FANCM: variants seen among roughly 807,000 people sequenced by gnomAD.
FANCM encodes Fanconi anemia group M protein.
Under a neutral mutation model 199.5 loss-of-function variants are expected in FANCM, and 140 were observed. The ratio of observed to expected loss-of-function variants is 0.70; its 90% confidence interval spans 0.61 to 0.81. The LOEUF (loss-of-function observed/expected upper bound fraction) is 0.81, where lower values mean the gene tolerates loss of function less well. FANCM is among the 30% of genes least tolerant of loss of function. The pLI is 0.00. For synonymous variants in FANCM, 840 were observed against 836.8 expected, an observed-to-expected ratio of 1.00 and a Z score of -0.07; for missense variants, 2,410 against 2,421.4, an observed-to-expected ratio of 1.00 and a Z score of 0.10.
chr14:45,192,690 A>G (rs1014377567), intron 20 of FANCM, among the ~76,000 whole-genome samples: 2 of 152,082 alleles, frequency 1.3e-5, no homozygotes, highest in African/African-American at 4.8e-5. Context: ...TTAGCCTGGC[A>G]TGCTGGTGCA....
rs759778560 is a variant in FANCM, at chr14:45,187,883, C to T, written c.4775C>T (p.Ser1592Leu). The T allele has an allele frequency of 9.3e-6, 13 of 1,398,948 alleles. No homozygotes were observed. Among genetic ancestry groups the T allele is most frequent in the African/African-American group, 7.1e-5 (5 of 70,598 alleles). The allele number at this position is 1,398,948 out of a possible 1,614,324, so 86.7% of individuals were successfully genotyped here. A position where few individuals can be genotyped will look rare whatever the true frequency, so the allele number is the denominator to read the frequency against. ...ACACATAAAAACATAAACATTTTCT[C>T]GCAGGTATGAACTATAGAAATATAA... ...HKTHKNINIF[S>L]QIPEQDETYL... is the part of the protein sequence containing the mutation. Residue 1592 changes from serine (S) to leucine (L), a missense_variant, in exon 19 of 23, where the codon TCG becomes TTG. Coordinates refer to ENST00000267430, the MANE Select transcript of FANCM (RefSeq NM_020937.4).
intron 11 of FANCM, among the ~76,000 whole-genome samples, chr14:45,168,741 A>T (rs902026265): frequency 2.0e-5 from 3 of 147,008 alleles, no homozygotes; most frequent in Non-Finnish European, 4.5e-5. Context: ...TATTTTGCTA[A>T]TGTATGCTAA....
At position 45,175,464 on chromosome 14, in the gene FANCM, G is replaced by A. The variant is rs1205156870; in HGVS notation, c.2710G>A (p.Asp904Asn). 7 of 1,608,488 alleles carry A rather than the reference G, an allele frequency of 4.4e-6. No individual in the cohort carries two copies. In the South Asian group the frequency reaches 6.7e-5, roughly 15 times the overall value. The stretch of plus-strand genomic sequence containing the variant: ...AAATGATAAAAGGACATCAGATACA[G>A]ATGAAATTGCTGCCACATGTACTAT... ...LPNDKRTSDT[D>N]EIAATCTINE... The change falls in exon 14 of 23, where the codon GAT becomes AAT. Residue 904 changes from aspartate to asparagine, a missense_variant. Asp to Asn is a conservative substitution (Grantham distance 23). Transcript: ENST00000267430.
At position 45,164,387 on chromosome 14, in the gene FANCM, A is replaced by T; in HGVS notation, c.1610A>T (p.Tyr537Phe). The T allele has an allele frequency of 1.2e-6, 2 of 1,613,114 alleles. No individual in the cohort carries two copies. Among genetic ancestry groups the T allele is most frequent in the South Asian group, 1.1e-5 (1 of 91,028 alleles). ...EVVKQFRDGG[Y>F]NTLVSTCVGE... is the part of the protein sequence containing the mutation. Reference sequence around the variant, plus strand: ...GTGAAACAGTTTCGTGACGGTGGTTACAACACGCTGGTTTCTACCTGTGTG... The same window carrying T: ...GTGAAACAGTTTCGTGACGGTGGTTTCAACACGCTGGTTTCTACCTGTGTG... Residue 537 changes from tyrosine to phenylalanine, a missense_variant, in exon 10 of 23, where the codon TAC becomes TTC. Transcript: ENST00000267430.
chr14:45,165,544 T>C (rs999037063), intron 10 of FANCM, among the ~76,000 whole-genome samples: 1 of 152,180 alleles, frequency 6.6e-6, no homozygotes, highest in Non-Finnish European at 1.5e-5. Context: ...CGAGACTCCA[T>C]CTCCAGAAAG....
intron 2 of FANCM, among the ~76,000 whole-genome samples, chr14:45,138,344 A>G (rs1885670756): frequency 6.6e-6 from 1 of 152,174 alleles, no homozygotes; most frequent in Non-Finnish European, 1.5e-5. Context: ...GAATTTGTAT[A>G]GTCATTTCTT....
Position 45,176,322 on chromosome 14 carries a change from C to T in FANCM, c.3568C>T (p.Leu1190Phe), listed in dbSNP as rs367682848. ...ACTTTTGTTGGACAATAATTCTGAA[C>T]TCCAAGATCAAATCACCCGTGATGC... ...DELLLDNNSE[L>F]QDQITRDANS... Residue 1190 changes from leucine to phenylalanine, a missense_variant, in exon 14 of 23, where the codon CTC becomes TTC. By Grantham distance (22) the Leu-to-Phe change is conservative. Coordinates refer to ENST00000267430, the MANE Select transcript of FANCM (RefSeq NM_020937.4). 1.9e-6 allele frequency: 3 copies of T among 1,613,940 alleles called. No individual in the cohort carries two copies. Among genetic ancestry groups the T allele is most frequent in the Non-Finnish European group, 2.5e-6 (3 of 1,179,974 alleles).
chr14:45,197,408 A>G (rs946349035), intron 21 of FANCM, among the ~76,000 whole-genome samples: 3 of 151,486 alleles, frequency 2.0e-5, no homozygotes, highest in African/African-American at 7.3e-5. Context: ...CCATTTTGTC[A>G]TTGGTGAACC....
chr14:45,164,197 G>A (rs1283614251), intron 9 of FANCM, among the ~76,000 whole-genome samples, 162 bp from the exon 10 acceptor site: 2 of 152,138 alleles, frequency 1.3e-5, no homozygotes, highest in African/African-American at 4.8e-5. Context: ...TTTCTGCCTT[G>A]TCCTCCCAAA....
In FANCM at chr14:45,196,512, T is replaced by C. The variant is rs1308170151; in HGVS notation, c.5681T>C (p.Ile1894Thr). Residue 1894 changes from isoleucine to threonine, a missense_variant, in exon 21 of 23, where the codon ATA becomes ACA. Coordinates refer to ENST00000267430, the MANE Select transcript of FANCM (RefSeq NM_020937.4). ...CACCTGCAGAGTATGTTTGAAAGAATATGTGTGATTGTGGAAAAGGACAGA... is the reference window on the plus strand; with the variant it reads ...CACCTGCAGAGTATGTTTGAAAGAACATGTGTGATTGTGGAAAAGGACAGA... ...IQHLQSMFER[I>T]CVIVEKDREK... is the part of the protein sequence containing the mutation. 6 of 1,614,052 alleles carry C rather than the reference T, an allele frequency of 3.7e-6. No individual in the cohort carries two copies. Among genetic ancestry groups the C allele is most frequent in the African/African-American group, 1.3e-5 (1 of 75,054 alleles).
At chr14:45,144,387 T>C (rs1886213246) in intron 3 of FANCM, among the ~76,000 whole-genome samples, 1 of 151,116 alleles carries the variant, frequency 6.6e-6, no homozygotes, top group Non-Finnish European at 1.5e-5. Context: ...TCAATTACTT[T>C]AATTTTTAGC....
chr14:45,150,888 A>G (rs1374698064), intron 4 of FANCM, among the ~76,000 whole-genome samples: 1 of 152,236 alleles, frequency 6.6e-6, no homozygotes, highest in African/African-American at 2.4e-5. Flanking sequence ...AGCATTTAGA[A>G]CAGTGCCTGT....
chr14:45,194,862 AG>A (rs1167108465), intron 20 of FANCM, among the ~76,000 whole-genome samples: 1 of 144,402 alleles, frequency 6.9e-6, no homozygotes, highest in African/African-American at 2.6e-5. Context: ...CCCAGGCTGG[AG>A]TGCAGTGGCG....
At chr14:45,177,128 TCTTA>T in intron 14 of FANCM, 152 bp downstream of exon 14, 1 of 607,130 alleles carries the variant, frequency 1.6e-6, no homozygotes, top group Non-Finnish European at 2.9e-6. Flanking sequence ...CTTAAGATGA[TCTTA>T]CTAATATTAG....
chr14:45,154,122 T>G, intron 6 of FANCM, 70 bp downstream of exon 6: 1 of 1,142,340 alleles, frequency 8.8e-7, no homozygotes, highest in African/African-American at 1.5e-5. Flanking sequence ...ATTGAAGGGC[T>G]GGGCACAGTG....
chr14:45,177,592 A>G (rs1238034663), intron 14 of FANCM, among the ~76,000 whole-genome samples: 2 of 152,064 alleles, frequency 1.3e-5, no homozygotes, highest in East Asian at 1.9e-4. Context: ...GGGTTTCACC[A>G]TGTTGGACAA....
chr14:45,168,271 G>T (rs573226839), intron 11 of FANCM, among the ~76,000 whole-genome samples: 1 of 152,088 alleles, frequency 6.6e-6, no homozygotes, highest in African/African-American at 2.4e-5. Context: ...TAATACAAAT[G>T]CACTTAATAG....
Position 45,200,437 on chromosome 14 carries a change from T to C in FANCM, c.*429T>C, listed in dbSNP as rs1249377443. 6.5e-6 allele frequency: 1 copy of C among 154,082 alleles called. No homozygotes were observed. The highest frequency in any genetic ancestry group is 1.4e-5 in the Non-Finnish European group (1 of 69,588). 9.5% of individuals were successfully genotyped at this position (154,082 alleles called of 1,614,324 possible). ...TAAGTGTACTGATTCTAAATACATG[T>C]ACTTGGTAAGGTGTGGGTGATGGGT... On this transcript the variant is annotated 3_prime_UTR_variant, in exon 23 of 23. Transcript: ENST00000267430.
chr14:45,181,602 C>G (rs1385230930), intron 15 of FANCM, 35 bp from the exon 16 acceptor site: 1 of 1,564,094 alleles, frequency 6.4e-7, no homozygotes, highest in East Asian at 2.2e-5. Context: ...TCTGCTGAGA[C>G]TTTTGTTGCC....
Sources: gnomAD v4.1 joint callset for allele counts (sites outside exome capture counted in the v4.1 genomes callset) on GRCh38, gnomAD v4.1.1 for gene constraint, MANE v1.5 for transcripts, NCBI Gene and HGNC (gene_info 2026-07-23, HGNC 2026-07-21) for gene names.